Variants in SLC25A29 observed in about 807,000 individuals in gnomAD.
SLC25A29 encodes mitochondrial basic amino acids transporter.
In SLC25A29, 13 loss-of-function variants were observed where a neutral mutation model predicts 10.0. The observed-to-expected ratio is 1.30, with a 90% CI of 0.85 to 2.07. The LOEUF is 2.07. Among genes scored for constraint, SLC25A29 ranks in the 30% most tolerant of loss-of-function variants. The pLI is 0.00. For synonymous variants in SLC25A29, 244 were observed against 221.1 expected (o/e 1.10, Z -0.92); for missense variants, 475 against 447.6 (o/e 1.06, Z -0.55).
At chr14:100,285,905 C>T in the SLC25A29 span, among the ~76,000 whole-genome samples, 1 of 152,172 alleles carries the variant, frequency 6.6e-6, no homozygotes, top group Non-Finnish European at 1.5e-5. Flanking sequence ...AGCGGGGAGA[C>T]AGGGCCTTGG....
rs144918919 is a variant in SLC25A29 at position 100,298,297 on chromosome 14, G to A, written c.78+545C>T. 1,095 of 159,022 alleles carry A rather than the reference G, an allele frequency of 6.9e-3. 16 individuals are homozygous for A. The highest frequency in any genetic ancestry group is 0.025 in the African/African-American group (1,045 of 41,576). 9.9% of individuals were successfully genotyped at this position (159,022 alleles called of 1,614,324 possible). A position where few individuals can be genotyped will look rare whatever the true frequency, so the allele number is the denominator to read the frequency against. ...GGGGTTTATTGGGGAATTTCCAGCT[G>A]GAGGGCATAGATTTCCTTGGTTTCC... is the stretch of plus-strand genomic sequence containing the variant. On this transcript the variant is annotated intron_variant, in intron 2 of 3. Coordinates refer to ENST00000359232, the MANE Select transcript of SLC25A29 (RefSeq NM_001039355.3).
chr14:100,292,748 G>C lies in SLC25A29; in HGVS notation c.447C>G (p.Gly149=). 1.2e-6 allele frequency: 2 copies of C among 1,601,958 alleles called. No individual in the cohort carries two copies. The highest frequency in any genetic ancestry group is 1.7e-6 in the Non-Finnish European group (2 of 1,175,528). The part of the protein sequence containing the change: ...AQIYGHEGLR[G]VNRGMVSTLL... ...ACGTGGACACCATGCCCCGGTTGAC[G>C]CCACGCAGACCCTCGTGCCCGTAGA... Residue 149 remains glycine (G), a synonymous_variant, in exon 4 of 4, where the codon GGC becomes GGG. Transcript: ENST00000359232.
chr14:100,289,262 G>A (rs1382173053), downstream of SLC25A29, among the ~76,000 whole-genome samples: 1 of 152,188 alleles, frequency 6.6e-6, no homozygotes, highest in African/African-American at 2.4e-5. Flanking sequence ...GCAGCCCTAG[G>A]AGAAGGATGC....
chr14:100,299,367 TCTGGGCCTTACC>T (rs907058661), intron 1 of SLC25A29: 1 of 1,008,556 alleles, frequency 9.9e-7, no homozygotes, highest in African/African-American at 1.7e-5. Context: ...TGGGCCTCAC[TCTGGGCCTTACC>T]TGTAAAGGTT....
At chr14:100,288,157 G>A (rs1017318480), downstream of SLC25A29, among the ~76,000 whole-genome samples, 4 of 152,086 alleles carry the variant, frequency 2.6e-5, no homozygotes, top group East Asian at 1.9e-4. Context: ...CTGAGGCGGC[G>A]GATCACCTGA....
chr14:100,299,084 ACATC>A, intron 1 of SLC25A29, 199 bp from the exon 2 acceptor site: 1 of 1,426,400 alleles, frequency 7.0e-7, no homozygotes, highest in South Asian at 1.5e-5. Flanking sequence ...TATGCATGTG[ACATC>A]CCAAGGCCAA....
the SLC25A29 span, chr14:100,282,010 A>G: frequency 6.6e-6 from 1 of 152,234 alleles, no homozygotes; most frequent in African/African-American, 2.4e-5. Context: ...GTTATCACCC[A>G]GTCCCCTTGT....
chr14:100,288,025 G>T (rs887149275), downstream of SLC25A29, among the ~76,000 whole-genome samples: 1 of 152,172 alleles, frequency 6.6e-6, no homozygotes, highest in South Asian at 2.1e-4. Context: ...GTGTGCCACA[G>T]TGTGTTTTAC....
At chr14:100,289,539 T>C (rs1272429571), downstream of SLC25A29, among the ~76,000 whole-genome samples, 1 of 152,142 alleles carries the variant, frequency 6.6e-6, no homozygotes, top group Non-Finnish European at 1.5e-5. Context: ...ATATCACTTA[T>C]TCCAAATCAA....
At chr14:100,293,402 G>T in intron 2 of SLC25A29, 25 bp from the exon 3 acceptor site, 1 of 1,603,424 alleles carries the variant, frequency 6.2e-7, no homozygotes, top group Non-Finnish European at 8.5e-7. Flanking sequence ...TCCAGTGAGA[G>T]GCAGGCAGGC....
downstream of SLC25A29, among the ~76,000 whole-genome samples, chr14:100,287,025 T>C (rs1440331047): frequency 6.6e-6 from 1 of 152,178 alleles, no homozygotes; most frequent in African/African-American, 2.4e-5. Flanking sequence ...GGGATGGGTG[T>C]GCATAGGGCT....
In SLC25A29 at chr14:100,298,882, A is replaced by C; in HGVS notation, c.38T>G (p.Val13Gly). 6.2e-7 allele frequency: 1 copy of C among 1,614,218 alleles called. No homozygotes were observed. Among genetic ancestry groups the C allele is most frequent in the Non-Finnish European group, 8.5e-7 (1 of 1,180,038 alleles). Residue 13 changes from valine to glycine, a missense_variant, in exon 2 of 4, where the codon GTG (valine) becomes GGG (glycine). By Grantham distance (109) the Val-to-Gly change is moderately radical. Transcript: ENST00000359232. ...LDFLAGCAGGVAGVLVGHPFD... is the reference protein window; with the variant it reads ...LDFLAGCAGGGAGVLVGHPFD... ...CGGGTGTCCCACAAGCACGCCTGCCACACCTGGAGGAGGAGAGGGGGACTT... is the reference window on the plus strand; with the variant it reads ...CGGGTGTCCCACAAGCACGCCTGCCCCACCTGGAGGAGGAGAGGGGGACTT...
chr14:100,302,102 A>G lies in SLC25A29; in HGVS notation c.35-3217T>C, dbSNP rs558489069. 1.7e-4 allele frequency among the ~76,000 whole-genome samples: 26 copies of G among 151,370 alleles called. 1 individual carries two copies. Among genetic ancestry groups the G allele is most frequent in the Admixed American group, 1.2e-3 (19 of 15,202 alleles). On this transcript the variant is annotated intron_variant, in intron 1 of 3. Coordinates refer to ENST00000359232, the MANE Select transcript of SLC25A29 (RefSeq NM_001039355.3). Reference sequence around the variant, plus strand: ...ACTCTGTCGCCCAGGCTGGAATGCAATGGCACAATCTCAGTTCACTGAAAC... The same window carrying G: ...ACTCTGTCGCCCAGGCTGGAATGCAGTGGCACAATCTCAGTTCACTGAAAC...
rs115942848 is a variant in SLC25A29 at position 100,291,668 on chromosome 14, G to A, written c.*615C>T. 336 of 158,280 alleles carry A rather than the reference G, an allele frequency of 2.1e-3. 1 individual carries two copies. Among genetic ancestry groups the A allele is most frequent in the African/African-American group, 7.6e-3 (314 of 41,586 alleles). The allele number at this position is 158,280 out of a possible 1,614,324, so 9.8% of individuals were successfully genotyped here. On this transcript the variant is annotated 3_prime_UTR_variant, in exon 4 of 4. Coordinates refer to ENST00000359232, the MANE Select transcript of SLC25A29 (RefSeq NM_001039355.3). ...CCTCCAGCAGACTCCATGGCTTCCC[G>A]GAGGGTGCAGGGTCCCCAGTTCACC...
chr14:100,303,451 G>A (rs562846354), intron 1 of SLC25A29, among the ~76,000 whole-genome samples: 4 of 152,216 alleles, frequency 2.6e-5, no homozygotes, highest in African/African-American at 9.7e-5. Context: ...AGACCCTTAC[G>A]CCACTTGCCT....
At chr14:100,289,250 C>T (rs536436446), downstream of SLC25A29, among the ~76,000 whole-genome samples, 18 of 152,284 alleles carry the variant, frequency 1.2e-4, no homozygotes, top group South Asian at 1.7e-3. Context: ...TGTTTTGTTA[C>T]GGCAGCCCTA....
chr14:100,298,993 G>T, intron 1 of SLC25A29, 108 bp from the exon 2 acceptor site: 1 of 1,524,732 alleles, frequency 6.6e-7, no homozygotes, highest in Non-Finnish European at 8.8e-7. Context: ...CTGCTGCCGG[G>T]GAAAGGACAT....
chr14:100,301,362 C>T (rs1035989368), intron 1 of SLC25A29, among the ~76,000 whole-genome samples: 1 of 151,716 alleles, frequency 6.6e-6, no homozygotes, highest in Non-Finnish European at 1.5e-5. Flanking sequence ...GAAGGGGTTT[C>T]GCCATGTTGG....
At chr14:100,280,848 C>CT in the SLC25A29 span, 1 of 152,050 alleles carries the variant, frequency 6.6e-6, no homozygotes, top group Non-Finnish European at 1.5e-5. Context: ...CCTTGCAAAA[C>CT]TTACTGTGGA....
Sources: gnomAD v4.1 joint callset for allele counts (sites outside exome capture counted in the v4.1 genomes callset) on GRCh38, gnomAD v4.1.1 for gene constraint, MANE v1.5 for transcripts, NCBI Gene and HGNC (gene_info 2026-07-23, HGNC 2026-07-21) for gene names.